Variants in DAPK1 observed in about 807,000 individuals in gnomAD.
DAPK1 encodes the protein death-associated protein kinase 1.
Under a neutral mutation model 144.9 loss-of-function variants are expected in DAPK1, and 56 were observed. The ratio of observed to expected loss-of-function variants is 0.39; its 90% CI spans 0.31 to 0.48. The LOEUF (loss-of-function observed/expected upper bound fraction) is 0.48. DAPK1 is among the 20% of genes least tolerant of loss of function. DAPK1 has a pLI of 0.95. For missense variants in DAPK1, 1,454 were observed against 1,875.4 expected (o/e 0.78, Z 4.15); for synonymous variants, 690 against 749.0 (o/e 0.92, Z 1.29).
chr9:87,630,865 G>T (rs1829660962), intron 3 of DAPK1, among the ~76,000 whole-genome samples: 1 of 152,216 alleles, frequency 6.6e-6, no homozygotes, highest in South Asian at 2.1e-4. Flanking sequence ...CACTCAGGAA[G>T]TAGGTACCAG....
chr9:87,564,280 A>C (rs1356130676), intron 2 of DAPK1, among the ~76,000 whole-genome samples: 2 of 152,204 alleles, frequency 1.3e-5, no homozygotes, highest in African/African-American at 4.8e-5. Context: ...GGCATAGAGA[A>C]TAACTACTAT....
intron 2 of DAPK1, among the ~76,000 whole-genome samples, chr9:87,571,817 T>G (rs544466519): frequency 5.9e-5 from 9 of 152,204 alleles, no homozygotes; most frequent in African/African-American, 2.2e-4. Context: ...GTGGTGCCTC[T>G]GTGTCCCCTG....
chr9:87,707,656 C>T lies in DAPK1; in HGVS notation c.*292C>T. ...GTTTTGGACTCCATCTCTCATCCTC[C>T]AGTACCTTGCTTCTTACTGATAATT... On this transcript the variant is annotated 3_prime_UTR_variant, in exon 26 of 26. Coordinates refer to ENST00000408954, the MANE Select transcript of DAPK1 (RefSeq NM_004938.4). This position sits in a 1 kb window ranked among gnomAD's most constrained non-coding sequence, Gnocchi z 4.0. 1 of 508,116 alleles carries T rather than the reference C, an allele frequency of 2.0e-6. No individual in the cohort carries two copies. Among genetic ancestry groups the T allele is most frequent in the South Asian group, 2.1e-5 (1 of 48,064 alleles). The allele number at this position is 508,116 out of a possible 1,614,324, so 31.5% of individuals were successfully genotyped here.
rs531181122 is a variant in DAPK1 at position 87,632,076 on chromosome 9, A to T, written c.285-5867A>T. On this transcript the variant is annotated intron_variant, in intron 3 of 25. Transcript: ENST00000408954. ...AGTATATATGTAAGGATGAAAGTTA[A>T]TTAGTATATATGTAGAAATATATAT... 731 of 744,574 alleles carry T rather than the reference A, an allele frequency of 9.8e-4. 11 individuals carry two copies. Among genetic ancestry groups the T allele is most frequent in the African/African-American group, 9.4e-3 (506 of 54,058 alleles). The allele number at this position is 744,574 out of a possible 1,614,324, so 46.1% of individuals were successfully genotyped here. A position where few individuals can be genotyped will look rare whatever the true frequency, so the allele number is the denominator to read the frequency against.
chr9:87,641,588 A>G (rs955177385), intron 9 of DAPK1, among the ~76,000 whole-genome samples: 1 of 152,178 alleles, frequency 6.6e-6, no homozygotes, highest in Non-Finnish European at 1.5e-5. Flanking sequence ...TTCTCCTGCT[A>G]TAGGCCAAAC....
chr9:87,688,516 C>T (rs1301594663), intron 21 of DAPK1, among the ~76,000 whole-genome samples: 1 of 152,200 alleles, frequency 6.6e-6, no homozygotes, highest in African/African-American at 2.4e-5. Context: ...CTCCAAACTT[C>T]TTTCCACAGT....
Position 87,671,840 on chromosome 9 carries a change from A to C in DAPK1, c.2001+3166A>C, listed in dbSNP as rs1420407702. On this transcript the variant is annotated intron_variant, in intron 19 of 25. Coordinates refer to ENST00000408954, the MANE Select transcript of DAPK1 (RefSeq NM_004938.4). Reference sequence around the variant, plus strand: ...GAATAGTCATCTTAATGCCCTAATTAAAGGACAACATCCCCCTTAGCACCC... The same window carrying C: ...GAATAGTCATCTTAATGCCCTAATTCAAGGACAACATCCCCCTTAGCACCC... Among the ~76,000 whole-genome samples, 3 of 152,176 alleles carry C rather than the reference A, an allele frequency of 2.0e-5. No homozygotes were observed. In the East Asian group the frequency reaches 5.8e-4, roughly 29 times the overall value.
At chr9:87,679,527 T>C (rs1452080713) in intron 19 of DAPK1, among the ~76,000 whole-genome samples, 2 of 152,110 alleles carry the variant, frequency 1.3e-5, no homozygotes, top group African/African-American at 4.8e-5. Flanking sequence ...GCAGGTTCCC[T>C]TGGGTGCACT....
intron 2 of DAPK1, among the ~76,000 whole-genome samples, chr9:87,576,446 G>A (rs546565453): frequency 2.6e-5 from 4 of 152,338 alleles, no homozygotes; most frequent in South Asian, 4.1e-4. Flanking sequence ...TTTGTTCTTG[G>A]AGGAAGGAAA....
In DAPK1 at chr9:87,539,410, T is replaced by C. The variant is rs142251900; in HGVS notation, c.62+40271T>C. On this transcript the variant is annotated intron_variant, in intron 2 of 25. Coordinates refer to ENST00000408954, the MANE Select transcript of DAPK1 (RefSeq NM_004938.4). ...TGGAAAATTTCAGAAATACACAATT[T>C]ATAAGTTTTAAATTTCTCACTTTTT... is the stretch of plus-strand genomic sequence containing the variant. 6.7e-5 allele frequency among the ~76,000 whole-genome samples: 10 copies of C among 149,504 alleles called. No individual in the cohort carries two copies. The East Asian group carries it at 1.8e-3, about 26-fold the overall frequency.
chr9:87,660,332 C>G (rs561659781), intron 18 of DAPK1, among the ~76,000 whole-genome samples: 11 of 151,970 alleles, frequency 7.2e-5, no homozygotes, highest in Non-Finnish European at 1.0e-4. Flanking sequence ...CTGGGGGCGT[C>G]GCCCTCAGAA....
intron 23 of DAPK1, 79 bp downstream of exon 23, chr9:87,698,873 A>G (rs1044903684): frequency 6.9e-5 from 58 of 841,984 alleles, no homozygotes; most frequent in Non-Finnish European, 1.1e-4. Flanking sequence ...TGAAAAGTAC[A>G]AAGGAAGTCT....
chr9:87,583,000 G>A (rs10868638), intron 2 of DAPK1, among the ~76,000 whole-genome samples: 45,656 of 151,842 alleles, frequency 0.3, 7,177 homozygotes, highest in Middle Eastern at 0.42. Context: ...GTCAAGAAGC[G>A]GTTGACCTCT....
intron 11 of DAPK1, among the ~76,000 whole-genome samples, 191 bp downstream of exon 11, chr9:87,643,659 T>A (rs1017392001): frequency 6.6e-6 from 1 of 152,022 alleles, no homozygotes; most frequent in African/African-American, 2.4e-5. Flanking sequence ...TTTTTCTCTT[T>A]GATTTGGATG....
intron 21 of DAPK1, among the ~76,000 whole-genome samples, chr9:87,689,077 T>A (rs1824964632): frequency 6.6e-6 from 1 of 152,196 alleles, no homozygotes; most frequent in Non-Finnish European, 1.5e-5. Flanking sequence ...AGGTTTTACA[T>A]TTACAGCTTT....
At chr9:87,632,933 G>A (rs933336143) in intron 3 of DAPK1, 72 of 904,576 alleles carry the variant, frequency 8.0e-5, no homozygotes, top group Non-Finnish European at 9.2e-5. Context: ...AATGAAGGGT[G>A]ATCAGTATAT....
intron 2 of DAPK1, among the ~76,000 whole-genome samples, chr9:87,519,300 G>C (rs1825204051): frequency 1.3e-5 from 2 of 152,352 alleles, no homozygotes; most frequent in South Asian, 4.1e-4. Flanking sequence ...AAAGACTGCT[G>C]TTGGCCCATG....
At position 87,571,488 on chromosome 9, in the gene DAPK1, C is replaced by CCCCA. The variant is rs1564000975; in HGVS notation, c.63-33466_63-33465insCCCA. ...ACACACACACACCAACACACACACA[C>CCCCA]ACACACCCCAACACACACACACACA... On this transcript the variant is annotated intron_variant, in intron 2 of 25. Transcript: ENST00000408954. Among the ~76,000 whole-genome samples, 149 of 51,606 alleles carry CCCCA rather than the reference C, an allele frequency of 2.9e-3. 17 individuals carry two copies. Among genetic ancestry groups the CCCCA allele is most frequent in the African/African-American group, 0.011 (114 of 10,094 alleles). The allele number at this position is 51,606 out of a possible 152,430, so 33.9% of individuals were successfully genotyped here. A position where few individuals can be genotyped will look rare whatever the true frequency, so the allele number is the denominator to read the frequency against.
chr9:87,620,291 G>A (rs142576421), intron 3 of DAPK1, among the ~76,000 whole-genome samples: 21 of 152,282 alleles, frequency 1.4e-4, no homozygotes, highest in African/African-American at 5.1e-4. Context: ...CTTAGCACCT[G>A]CTGAGTGAAT....
Sources: gnomAD v4.1 joint callset for allele counts (sites outside exome capture counted in the v4.1 genomes callset) on GRCh38, gnomAD v4.1.1 for gene constraint, Gnocchi (gnomAD v3.1) non-coding constraint, MANE v1.5 for transcripts, NCBI Gene and HGNC (gene_info 2026-07-23, HGNC 2026-07-21) for gene names.